The following GPC5 variants were observed in gnomAD, a reference collection of about 807,000 sequenced individuals.
The protein encoded by GPC5 is glypican 5, also known as glypican-5.
A neutral mutation model predicts 53.9 loss-of-function variants in GPC5; 47 were observed. That is an observed-to-expected ratio of 0.87 (90% CI 0.69 to 1.11). GPC5 has a LOEUF of 1.11. Ranked by LOEUF, GPC5 falls within the 50% of genes most tolerant of loss-of-function variation. GPC5 has a pLI of 0.00. For missense variants in GPC5, 748 were observed against 713.1 expected, an observed-to-expected ratio of 1.05 and a Z score of -0.56; for synonymous variants, 286 against 263.3, an observed-to-expected ratio of 1.09 and a Z score of -0.84.
At chr13:91,477,620 C>T (rs955859744) in intron 2 of GPC5, among the ~76,000 whole-genome samples, 8 of 152,192 alleles carry the variant, frequency 5.3e-5, no homozygotes, top group Non-Finnish European at 8.8e-5. Context: ...GTAAAACTGT[C>T]TAGGAAGAAT....
At chr13:92,237,367 G>A (rs1265338638) in intron 7 of GPC5, among the ~76,000 whole-genome samples, 2 of 151,788 alleles carry the variant, frequency 1.3e-5, no homozygotes, top group African/African-American at 4.8e-5. Context: ...CTACAGGCAC[G>A]CACCACCAAG....
intron 2 of GPC5, among the ~76,000 whole-genome samples, chr13:91,646,227 A>G (rs1047642570): frequency 6.6e-6 from 1 of 152,218 alleles, no homozygotes; most frequent in African/African-American, 2.4e-5. Context: ...TCCCTAAAAT[A>G]TGCAACCTGT....
At chr13:91,804,831 A>C (rs1375526948) in intron 5 of GPC5, among the ~76,000 whole-genome samples, 1 of 152,222 alleles carries the variant, frequency 6.6e-6, no homozygotes, top group Admixed American at 6.5e-5. Flanking sequence ...AGATGTGTGC[A>C]TGTGAACTTC....
chr13:92,339,091 C>A (rs1247748453), intron 7 of GPC5, among the ~76,000 whole-genome samples: 1 of 151,788 alleles, frequency 6.6e-6, no homozygotes, highest in Non-Finnish European at 1.5e-5. Context: ...TAAGCTAGAT[C>A]ATCTCAAAAT....
intron 7 of GPC5, among the ~76,000 whole-genome samples, chr13:92,338,762 C>T (rs1056022212): frequency 3.9e-5 from 6 of 152,020 alleles, no homozygotes; most frequent in African/African-American, 1.4e-4. Flanking sequence ...AGATGGAGCA[C>T]AGATGATTTA....
intron 2 of GPC5, among the ~76,000 whole-genome samples, chr13:91,491,321 A>C (rs879146529): frequency 6.6e-6 from 1 of 152,174 alleles, no homozygotes; most frequent in Admixed American, 6.5e-5. Flanking sequence ...ACTCTCTTTA[A>C]AATGTTCATT....
chr13:92,589,307 A>G (rs1363554424), intron 7 of GPC5, among the ~76,000 whole-genome samples: 1 of 152,126 alleles, frequency 6.6e-6, no homozygotes, highest in African/African-American at 2.4e-5. Context: ...TGAAACCTTG[A>G]GAGTCATGAG....
intron 7 of GPC5, among the ~76,000 whole-genome samples, chr13:92,815,209 G>T (rs189516315): frequency 1.3e-5 from 2 of 151,938 alleles, no homozygotes; most frequent in African/African-American, 4.8e-5. Context: ...AAGCAATAGC[G>T]CAAGGAGGTA....
rs545631983 is a variant in GPC5, at chr13:91,619,142, G to A, written c.326-74045G>A. Reference sequence around the variant, plus strand: ...CCAAATCCTAGGAATATTACAGATCGCTTAATACAAGAGGAAATCGAATAT... The same window carrying A: ...CCAAATCCTAGGAATATTACAGATCACTTAATACAAGAGGAAATCGAATAT... On this transcript the variant is annotated intron_variant, in intron 2 of 7. Coordinates refer to ENST00000377067, the MANE Select transcript of GPC5 (RefSeq NM_004466.6). 2.2e-3 allele frequency among the ~76,000 whole-genome samples: 338 copies of A among 151,998 alleles called. 3 individuals are homozygous for A. The highest frequency in any genetic ancestry group is 3.4e-3 in the Middle Eastern group (1 of 294).
intron 5 of GPC5, among the ~76,000 whole-genome samples, chr13:91,812,714 G>A (rs1378691173): frequency 2.0e-5 from 3 of 152,074 alleles, no homozygotes; most frequent in African/African-American, 4.8e-5. Context: ...CTCTCTCAGC[G>A]TTTTTATCCT....
intron 7 of GPC5, among the ~76,000 whole-genome samples, chr13:92,176,570 G>A (rs1233721676): frequency 6.6e-6 from 1 of 152,086 alleles, no homozygotes; most frequent in African/African-American, 2.4e-5. Flanking sequence ...TTGACCCAAG[G>A]CATCAAAGCT....
chr13:92,466,168 A>G (rs374978385), intron 7 of GPC5, among the ~76,000 whole-genome samples: 4 of 129,536 alleles, frequency 3.1e-5, no homozygotes, highest in Non-Finnish European at 6.4e-5. Flanking sequence ...CCCCATAAAT[A>G]CGTATTATTT....
At chr13:92,553,354 T>C (rs1882386716) in intron 7 of GPC5, among the ~76,000 whole-genome samples, 2 of 152,000 alleles carry the variant, frequency 1.3e-5, no homozygotes, top group South Asian at 4.1e-4. Context: ...GTCCTCATAA[T>C]TTCTCACCTA....
intron 7 of GPC5, among the ~76,000 whole-genome samples, chr13:92,191,500 A>G (rs550295435): frequency 9.2e-5 from 14 of 152,264 alleles, no homozygotes; most frequent in African/African-American, 2.9e-4. Context: ...TACTCTTACC[A>G]TATGTTCCAT....
rs117214426 is a variant in GPC5, at chr13:92,179,677, C to T, written c.1561+34688C>T. 3.4e-3 allele frequency among the ~76,000 whole-genome samples: 519 copies of T among 152,196 alleles called. 1 individual carries two copies. The highest frequency in any genetic ancestry group is 6.1e-3 in the Non-Finnish European group (418 of 68,004). ...TACTTATACTATAATGTTATATTGC[C>T]GAATCTAACATACAAGAAAAATATT... On this transcript the variant is annotated intron_variant, in intron 7 of 7. Coordinates refer to ENST00000377067, the MANE Select transcript of GPC5 (RefSeq NM_004466.6).
intron 6 of GPC5, among the ~76,000 whole-genome samples, chr13:92,009,979 T>C (rs2040645169): frequency 6.6e-6 from 1 of 152,162 alleles, no homozygotes; most frequent in African/African-American, 2.4e-5. Flanking sequence ...TTGTATAATT[T>C]TGTAAACATA....
At chr13:91,445,875 G>T (rs1189811566) in intron 1 of GPC5, among the ~76,000 whole-genome samples, 2 of 152,124 alleles carry the variant, frequency 1.3e-5, no homozygotes, top group Admixed American at 6.5e-5. Context: ...ATGGTTAAAT[G>T]GGGAGCTACT....
chr13:92,390,395 T>A (rs1301253348), intron 7 of GPC5, among the ~76,000 whole-genome samples: 1 of 152,090 alleles, frequency 6.6e-6, no homozygotes, highest in Non-Finnish European at 1.5e-5. Context: ...ACTAAGGGAT[T>A]TTTTTCAAAA....
At chr13:91,496,351 A>G (rs1206045924) in intron 2 of GPC5, among the ~76,000 whole-genome samples, 1 of 152,214 alleles carries the variant, frequency 6.6e-6, no homozygotes, top group African/African-American at 2.4e-5. Context: ...AGGACCATTC[A>G]CAATGGCTAA....
Sources: gnomAD v4.1 joint callset for allele counts (sites outside exome capture counted in the v4.1 genomes callset) on GRCh38, gnomAD v4.1.1 for gene constraint, MANE v1.5 for transcripts, NCBI Gene and HGNC (gene_info 2026-07-23, HGNC 2026-07-21) for gene names.